CNNM4: variants seen among roughly 807,000 people sequenced by gnomAD.
The protein encoded by CNNM4 is cyclin and CBS domain divalent metal cation transport mediator 4.
CNNM4 carries 32 observed loss-of-function variants against 53.7 expected under a neutral mutation model. The ratio of observed to expected loss-of-function variants is 0.60; its 90% CI spans 0.45 to 0.80. The LOEUF (loss-of-function observed/expected upper bound fraction) is 0.80, where lower values mean the gene tolerates loss of function less well. Among genes scored for constraint, CNNM4 ranks in the 30% least tolerant of loss-of-function variants. The pLI, the probability that CNNM4 is intolerant of heterozygous loss-of-function variation, is 0.00. For missense variants in CNNM4, 784 were observed against 1,022.0 expected (o/e 0.77, Z 3.17); for synonymous variants, 410 against 440.0 (o/e 0.93, Z 0.85).
In CNNM4 at chr2:96,762,108, C is replaced by T. The variant is rs1224599837; in HGVS notation, c.1109C>T (p.Thr370Ile). ...ATCCAGGGTGCCCTGGAACTACGGA[C>T]CAAAACTGTAGAGGATATCATGACC... is the stretch of plus-strand genomic sequence containing the variant. ...NMIQGALELR[T>I]KTVEDIMTQL... The change falls in exon 1 of 7, where the codon ACC becomes ATC. Residue 370 changes from threonine to isoleucine, a missense_variant. Physicochemically the swap from Thr to Ile is moderately conservative, Grantham distance 89 (BLOSUM62 -1). This residue lies in a region of CNNM4 where 473 missense variants were observed against 624.6 expected (regional missense o/e 0.76). Transcript: ENST00000377075. The T allele has an allele frequency of 1.9e-6, 3 of 1,614,050 alleles. No homozygotes were observed. Among genetic ancestry groups the T allele is most frequent in the Admixed American group, 1.7e-5 (1 of 60,000 alleles).
At chr2:96,781,493 C>A (rs1484475245) in intron 1 of CNNM4, among the ~76,000 whole-genome samples, 1 of 152,186 alleles carries the variant, frequency 6.6e-6, no homozygotes, top group East Asian at 1.9e-4. Context: ...AGATCACAGG[C>A]TTGAGCCACC....
chr2:96,786,358 G>A (rs1184386668), intron 1 of CNNM4, among the ~76,000 whole-genome samples: 3 of 151,148 alleles, frequency 2.0e-5, no homozygotes, highest in Non-Finnish European at 4.4e-5. Context: ...AGGCTGCAGT[G>A]AGCCAAGATC....
Position 96,798,932 on chromosome 2 carries a change from C to T in CNNM4, c.1682-125C>T, listed in dbSNP as rs143589505. 332 of 958,900 alleles carry T rather than the reference C, an allele frequency of 3.5e-4. 2 individuals are homozygous for T. In the African/African-American group the frequency reaches 4.6e-3, roughly 13 times the overall value. The allele number at this position is 958,900 out of a possible 1,614,324, so 59.4% of individuals were successfully genotyped here. A position where few individuals can be genotyped will look rare whatever the true frequency, so the allele number is the denominator to read the frequency against. On this transcript the variant is annotated intron_variant, in intron 3 of 6. Transcript: ENST00000377075. ...AGGGAGGTGCAGAACGAGGGCCGGCCGAGCAGGGCGGGAGTCGTCTGAGCA... is the reference window on the plus strand; with the variant it reads ...AGGGAGGTGCAGAACGAGGGCCGGCTGAGCAGGGCGGGAGTCGTCTGAGCA...
chr2:96,806,337 TTCTC>T (rs760580146), intron 5 of CNNM4, among the ~76,000 whole-genome samples: 36 of 152,066 alleles, frequency 2.4e-4, no homozygotes, highest in Non-Finnish European at 4.4e-4. Flanking sequence ...GAACTCAGAC[TTCTC>T]TCTCTTTTTT....
At chr2:96,771,256 CCTTA>C (rs2078866369) in intron 1 of CNNM4, among the ~76,000 whole-genome samples, 1 of 151,002 alleles carries the variant, frequency 6.6e-6, no homozygotes, top group African/African-American at 2.5e-5. Flanking sequence ...AGCCTGGACT[CCTTA>C]CTTCTGTGCT....
At chr2:96,799,445 C>T (rs1028192184) in intron 4 of CNNM4, 107 bp from the exon 5 acceptor site, 61 of 1,160,776 alleles carry the variant, frequency 5.3e-5, no homozygotes, top group Admixed American at 2.6e-4. Context: ...GCTCCAGTAC[C>T]GGCCCTTCCT....
intron 1 of CNNM4, among the ~76,000 whole-genome samples, chr2:96,790,253 G>T (rs1165314732): frequency 6.6e-6 from 1 of 151,232 alleles, no homozygotes; most frequent in Non-Finnish European, 1.5e-5. Context: ...TGATCCACGC[G>T]CCTCGGTCTC....
chr2:96,795,768 G>A (rs1157588806), intron 1 of CNNM4, among the ~76,000 whole-genome samples: 2 of 152,156 alleles, frequency 1.3e-5, no homozygotes, highest in African/African-American at 4.8e-5. Flanking sequence ...TTTCTTCCTA[G>A]GCTGCTCCAA....
At chr2:96,769,130 A>C (rs1172476859) in intron 1 of CNNM4, among the ~76,000 whole-genome samples, 4 of 152,166 alleles carry the variant, frequency 2.6e-5, no homozygotes, top group African/African-American at 9.6e-5. Context: ...GGGCGCCTGT[A>C]GTCCCAGCTA....
Position 96,801,205 on chromosome 2 carries a change from T to C in CNNM4, c.1948+1557T>C. On this transcript the variant is annotated intron_variant, in intron 5 of 6. Transcript: ENST00000377075. The surrounding 1 kb of genome is among the most constrained non-coding windows in gnomAD (Gnocchi z 5.6). ...CCTGCACACTGCAGCTGCATTAACC[T>C]CCCCACATGGACCCGGACCCCCGCC... The C allele has an allele frequency of 1.2e-6, 1 of 835,792 alleles. No individual in the cohort carries two copies. Among genetic ancestry groups the C allele is most frequent in the Non-Finnish European group, 1.4e-6 (1 of 693,268 alleles). The allele number at this position is 835,792 out of a possible 1,614,324, so 51.8% of individuals were successfully genotyped here.
At chr2:96,769,431 G>C (rs929406659) in intron 1 of CNNM4, among the ~76,000 whole-genome samples, 1 of 151,684 alleles carries the variant, frequency 6.6e-6, no homozygotes, top group African/African-American at 2.4e-5. Flanking sequence ...TAGGCGTGGT[G>C]GTGGGTGCCT....
At chr2:96,780,132 A>G (rs776668554) in intron 1 of CNNM4, among the ~76,000 whole-genome samples, 1 of 151,906 alleles carries the variant, frequency 6.6e-6, no homozygotes, top group African/African-American at 2.4e-5. Flanking sequence ...GAATCTTCCA[A>G]TCTGTGAACA....
rs765188765 is a variant in CNNM4 at position 96,796,251 on chromosome 2, TCTC to T, written c.1403-758_1403-756del. On this transcript the variant is annotated intron_variant, in intron 1 of 6. Transcript: ENST00000377075. Reference sequence around the variant, plus strand: ...CCTCTGCCTCCCGGGTTCAAGCAATTCTCCTGCCTCAGCCTTCCGAGTAGCTGG... The same window carrying T: ...CCTCTGCCTCCCGGGTTCAAGCAATTCTGCCTCAGCCTTCCGAGTAGCTGG... 3.4e-5 allele frequency among the ~76,000 whole-genome samples: 5 copies of T among 146,942 alleles called. No individual in the cohort carries two copies. The South Asian group carries it at 1.1e-3, about 33-fold the overall frequency.
Position 96,800,011 on chromosome 2 carries a change from G to A in CNNM4, c.1948+363G>A, listed in dbSNP as rs2079144727. Among the ~76,000 whole-genome samples, 1 of 152,206 alleles carries A rather than the reference G, an allele frequency of 6.6e-6. No individual in the cohort carries two copies. The highest frequency in any genetic ancestry group is 1.5e-5 in the Non-Finnish European group (1 of 68,022). Reference sequence around the variant, plus strand: ...TCCTGAGGACAGGAGGGGAGTCTGAGCATCCAAAGTGACTGGGGTCAGGAG... The same window carrying A: ...TCCTGAGGACAGGAGGGGAGTCTGAACATCCAAAGTGACTGGGGTCAGGAG... On this transcript the variant is annotated intron_variant, in intron 5 of 6. Coordinates refer to ENST00000377075, the MANE Select transcript of CNNM4 (RefSeq NM_020184.4). This position sits in a 1 kb window ranked among gnomAD's most constrained non-coding sequence, Gnocchi z 4.6.
At chr2:96,765,307 G>A (rs2078806494) in intron 1 of CNNM4, among the ~76,000 whole-genome samples, 1 of 151,572 alleles carries the variant, frequency 6.6e-6, no homozygotes, top group African/African-American at 2.4e-5. Context: ...TGTTTATTTA[G>A]TAGAGACGGG....
At chr2:96,764,915 A>G (rs1309303308) in intron 1 of CNNM4, among the ~76,000 whole-genome samples, 1 of 145,354 alleles carries the variant, frequency 6.9e-6, no homozygotes, top group Non-Finnish European at 1.5e-5. Flanking sequence ...TGAACCCGGG[A>G]GGCAGAGGTT....
chr2:96,779,805 CA>C (rs1351386889), intron 1 of CNNM4, among the ~76,000 whole-genome samples: 5 of 149,802 alleles, frequency 3.3e-5, no homozygotes, highest in South Asian at 2.1e-4. Context: ...AAAGACTTGA[CA>C]TTTTTTTTTT....
In CNNM4 at chr2:96,809,502, C is replaced by T. The variant is rs766430198; in HGVS notation, c.2313C>T (p.His771=). The T allele has an allele frequency of 1.1e-5, 18 of 1,614,092 alleles. No homozygotes were observed. The highest frequency in any genetic ancestry group is 5.5e-5 in the South Asian group (5 of 91,084). The stretch of plus-strand genomic sequence containing the variant: ...ACTCCTTGCTGCACAAAGCCTCCCA[C>T]GAGAATGCCATCTGACAGGAGGGCC... ...ERNSLLHKAS[H]ENAI is the part of the protein sequence containing the mutation. The change falls in exon 7 of 7, where the codon CAC becomes CAT. Residue 771 remains histidine (H), a synonymous_variant. Transcript: ENST00000377075.
rs2079231911 is a variant in CNNM4 at position 96,808,936 on chromosome 2, G to A, written c.2130+194G>A. Among the ~76,000 whole-genome samples, 1 of 151,894 alleles carries A rather than the reference G, an allele frequency of 6.6e-6. No individual in the cohort carries two copies. The highest frequency in any genetic ancestry group is 2.1e-4 in the South Asian group (1 of 4,818). ...GCCCACTTCAGCCTTGAACTCTTGG[G>A]TTCAAGGATTCCTCCCACCTCAGCC... On this transcript the variant is annotated intron_variant, in intron 6 of 6. Coordinates refer to ENST00000377075, the MANE Select transcript of CNNM4 (RefSeq NM_020184.4). The surrounding 1 kb of genome is among the most constrained non-coding windows in gnomAD (Gnocchi z 4.9).
Sources: allele counts gnomAD v4.1 joint callset (sites outside exome capture counted in the v4.1 genomes callset), GRCh38; gene constraint gnomAD v4.1.1; regional missense constraint gnomAD v4.1.1; non-coding constraint Gnocchi (gnomAD v3.1); transcripts MANE v1.5; gene names NCBI Gene and HGNC (gene_info 2026-07-23, HGNC 2026-07-21).